The following GAK variants were observed in gnomAD, a reference collection of about 807,000 sequenced individuals.
The protein encoded by GAK is cyclin-G-associated kinase.
In GAK, 79 loss-of-function variants were observed where a neutral mutation model predicts 143.9. That is an observed-to-expected ratio of 0.55 (90% CI 0.46 to 0.66). GAK has a LOEUF of 0.66. GAK is among the 30% of genes least tolerant of loss of function. The pLI is 0.00. For synonymous variants in GAK, 881 were observed against 765.5 expected (o/e 1.15, Z -2.49); for missense variants, 1,693 against 1,779.7 (o/e 0.95, Z 0.88).
intron 26 of GAK, 125 bp downstream of exon 26, chr4:850,811 C>T (rs1251847480): frequency 1.9e-6 from 2 of 1,071,810 alleles, no homozygotes; most frequent in African/African-American, 1.6e-5. Context: ...CCATGTGGTA[C>T]AGCAGATGCT....
rs960849121 is a variant in GAK at position 882,097 on chromosome 4, G to A, written c.1528-57C>T. Reference sequence around the variant, plus strand: ...TCGCACTCATGCAGGACAAGGGCTCGCGGGGTCCTCGGGCATCCTACCCAC... The same window carrying A: ...TCGCACTCATGCAGGACAAGGGCTCACGGGGTCCTCGGGCATCCTACCCAC... On this transcript the variant is annotated intron_variant, in intron 14 of 27. Coordinates refer to ENST00000314167, the MANE Select transcript of GAK (RefSeq NM_005255.4). 25 of 1,531,894 alleles carry A rather than the reference G, an allele frequency of 1.6e-5. No homozygotes were observed. The African/African-American group carries it at 2.3e-4, about 14-fold the overall frequency. 94.9% of individuals were successfully genotyped at this position (1,531,894 alleles called of 1,614,324 possible). A position where few individuals can be genotyped will look rare whatever the true frequency, so the allele number is the denominator to read the frequency against.
chr4:880,359 G>A (rs1188398835), intron 15 of GAK, among the ~76,000 whole-genome samples: 1 of 152,266 alleles, frequency 6.6e-6, no homozygotes, highest in African/African-American at 2.4e-5. Flanking sequence ...AGCGTCCTCA[G>A]CACATCAATT....
rs757585286 is a variant in GAK at position 852,019 on chromosome 4, G to A, written c.3284-45C>T. 12 of 1,469,500 alleles carry A rather than the reference G, an allele frequency of 8.2e-6. No individual in the cohort carries two copies. In the South Asian group the frequency reaches 1.4e-4, roughly 17 times the overall value. The allele number at this position is 1,469,500 out of a possible 1,614,324, so 91.0% of individuals were successfully genotyped here. A position where few individuals can be genotyped will look rare whatever the true frequency, so the allele number is the denominator to read the frequency against. ...AAACTCGGCATCTGGTTGTCCATGA[G>A]GGGCAACTACTGTTTCTATAACGCA... On this transcript the variant is annotated intron_variant, in intron 24 of 27. Transcript: ENST00000314167.
chr4:854,265 CT>C (rs1169802365), intron 24 of GAK, among the ~76,000 whole-genome samples: 1 of 152,160 alleles, frequency 6.6e-6, no homozygotes, highest in African/African-American at 2.4e-5. Flanking sequence ...ACCCTGCGCT[CT>C]CGCCCATTTT....
In GAK at chr4:856,670, G is replaced by C. The variant is rs1274146891; in HGVS notation, c.3283+2936C>G. ...CACCTGCTCACCATAGCTCACCACA[G>C]CTGCTCACACCTGCTCACCACAGCT... On this transcript the variant is annotated intron_variant, in intron 24 of 27. Transcript: ENST00000314167. Among the ~76,000 whole-genome samples, 8 of 146,484 alleles carry C rather than the reference G, an allele frequency of 5.5e-5. No homozygotes were observed. The South Asian group carries it at 1.3e-3, about 24-fold the overall frequency.
At chr4:887,221 GCGGCT>G (rs1716569207) in intron 11 of GAK, 2 of 129,116 alleles carry the variant, frequency 1.5e-5, no homozygotes, top group Non-Finnish European at 3.4e-5. Flanking sequence ...ACACATGCAC[GCGGCT>G]CACGCGCACT....
At chr4:894,234 G>C (rs1451624672) in intron 7 of GAK, 2 of 501,980 alleles carry the variant, frequency 4.0e-6, no homozygotes, top group South Asian at 3.2e-5. Context: ...GAACAACAGG[G>C]GTGACACCCG....
chr4:915,479 C>T (rs1012406954), intron 1 of GAK: 1 of 153,078 alleles, frequency 6.5e-6, no homozygotes, highest in Admixed American at 6.5e-5. Context: ...GAGGAAAAGA[C>T]ATAAAAGAGA....
chr4:867,506 T>C lies in GAK; in HGVS notation c.2396-74A>G. 2.9e-6 allele frequency: 3 copies of C among 1,023,770 alleles called. No individual in the cohort carries two copies. In the South Asian group the frequency reaches 5.1e-5, roughly 18 times the overall value. 63.4% of individuals were successfully genotyped at this position (1,023,770 alleles called of 1,614,324 possible). A position where few individuals can be genotyped will look rare whatever the true frequency, so the allele number is the denominator to read the frequency against. ...ACCAGGGTCCCCACGGCGCGTCCCT[T>C]CAGGGCCTCCTCGGCCCAGGGCCTT... On this transcript the variant is annotated intron_variant, in intron 20 of 27. Coordinates refer to ENST00000314167, the MANE Select transcript of GAK (RefSeq NM_005255.4).
At chr4:862,211 G>A (rs541240116) in intron 23 of GAK, among the ~76,000 whole-genome samples, 10 of 149,202 alleles carry the variant, frequency 6.7e-5, no homozygotes, top group Non-Finnish European at 8.9e-5. Flanking sequence ...GCTAAGATCC[G>A]GCTGAGATCA....
At chr4:851,663 A>G in intron 25 of GAK, 87 bp downstream of exon 25, 2 of 1,384,826 alleles carry the variant, frequency 1.4e-6, no homozygotes, top group South Asian at 2.3e-5. Context: ...CTGGGCTCTG[A>G]GATGAAGAAA....
intron 18 of GAK, among the ~76,000 whole-genome samples, chr4:872,980 G>A (rs926003233): frequency 2.0e-5 from 3 of 150,230 alleles, no homozygotes; most frequent in East Asian, 2.0e-4. Flanking sequence ...CAGGCACGGC[G>A]CAGGCTCACC....
intron 1 of GAK, among the ~76,000 whole-genome samples, chr4:923,599 C>T (rs1197705813): frequency 2.0e-5 from 3 of 151,794 alleles, no homozygotes; most frequent in Admixed American, 6.6e-5. Context: ...CGCTTGAGTC[C>T]GGGAGTTCAA....
intron 18 of GAK, among the ~76,000 whole-genome samples, chr4:873,099 G>A (rs1433174041): frequency 6.6e-6 from 1 of 152,184 alleles, no homozygotes; most frequent in Non-Finnish European, 1.5e-5. Flanking sequence ...CAATCCTCCT[G>A]CCTCCCAAAG....
At chr4:889,050 C>G (rs1174650280) in intron 10 of GAK, 80 bp from the exon 11 acceptor site, 2 of 1,470,746 alleles carry the variant, frequency 1.4e-6, no homozygotes, top group African/African-American at 1.4e-5. Context: ...TGGGCCCAGG[C>G]CCCAGGCGCT....
At chr4:851,143 G>A in intron 25 of GAK, 59 bp from the exon 26 acceptor site, 2 of 1,481,146 alleles carry the variant, frequency 1.4e-6, no homozygotes, top group South Asian at 1.2e-5. Flanking sequence ...TGTCACCCAG[G>A]CCAGAGTGCA....
chr4:896,489 A>C lies in GAK; in HGVS notation c.712T>G (p.Phe238Val). 1.9e-6 allele frequency: 3 copies of C among 1,614,112 alleles called. No homozygotes were observed. Among genetic ancestry groups the C allele is most frequent in the Non-Finnish European group, 2.5e-6 (3 of 1,179,956 alleles). The change falls in exon 7 of 28, where the codon TTC (phenylalanine) becomes GTC (valine). Residue 238 changes from phenylalanine to valine, a missense_variant. By Grantham distance (50) the Phe-to-Val change is conservative. Coordinates refer to ENST00000314167, the MANE Select transcript of GAK (RefSeq NM_005255.4). ...TPEIIDLYSN[F>V]PIGEKQDIWA... ...ATATCCTGCTTCTCGCCGATCGGGA[A>C]GTTGGAATACAAGTCTATGATTTCT... is the stretch of plus-strand genomic sequence containing the variant.
intron 11 of GAK, chr4:884,362 C>T (rs975794910): frequency 4.3e-6 from 2 of 462,912 alleles, no homozygotes; most frequent in South Asian, 2.3e-5. Context: ...GTCTGACTGC[C>T]CCTTCCCCTG....
intron 25 of GAK, 65 bp from the exon 26 acceptor site, chr4:851,149 G>C (rs1748071254): frequency 1.4e-6 from 2 of 1,394,308 alleles, no homozygotes; most frequent in Non-Finnish European, 2.0e-6. Context: ...CCAGGCCAGA[G>C]TGCAATGGCG....
Sources: gnomAD v4.1 joint callset for allele counts (sites outside exome capture counted in the v4.1 genomes callset) on GRCh38, gnomAD v4.1.1 for gene constraint, MANE v1.5 for transcripts, NCBI Gene and HGNC (gene_info 2026-07-23, HGNC 2026-07-21) for gene names.